The following CREBL2 variants were observed in gnomAD, a reference collection of about 807,000 sequenced individuals.
The protein encoded by CREBL2 is cAMP responsive element binding protein like 2.
In CREBL2, 4 loss-of-function variants were observed where a neutral mutation model predicts 19.5. That is an observed-to-expected ratio of 0.20 (90% CI 0.10 to 0.47). The LOEUF (loss-of-function observed/expected upper bound fraction) is 0.47, where lower values mean the gene tolerates loss of function less well. Among genes scored for constraint, CREBL2 ranks in the 20% least tolerant of loss-of-function variants. CREBL2 has a pLI of 0.98. For missense variants in CREBL2, 85 were observed against 145.1 expected, an observed-to-expected ratio of 0.59 and a Z score of 2.13; for synonymous variants, 42 against 46.6, an observed-to-expected ratio of 0.90 and a Z score of 0.40.
chr12:12,639,685 A>G (rs146363213), intron 3 of CREBL2, among the ~76,000 whole-genome samples: 15 of 152,162 alleles, frequency 9.9e-5, no homozygotes, highest in Admixed American at 2.6e-4. Context: ...CCTGCCCCCA[A>G]TATTTCAATG....
Position 12,611,956 on chromosome 12 carries a change from G to C in CREBL2, c.-217G>C, listed in dbSNP as rs1945269775. On this transcript the variant is annotated 5_prime_UTR_variant, in exon 1 of 4. Transcript: ENST00000228865. The stretch of plus-strand genomic sequence containing the variant: ...GAGGAGGAGGCGGCGGCGGCGAAGG[G>C]AGGCGTTTGGGGCCGCCTCCAGGGT... 1.7e-6 allele frequency: 1 copy of C among 589,130 alleles called. No homozygotes were observed. The highest frequency in any genetic ancestry group is 3.3e-5 in the Admixed American group (1 of 30,686). The allele number at this position is 589,130 out of a possible 1,614,324, so 36.5% of individuals were successfully genotyped here.
chr12:12,634,619 T>C (rs1270734825), intron 1 of CREBL2, among the ~76,000 whole-genome samples: 1 of 152,228 alleles, frequency 6.6e-6, no homozygotes, highest in Non-Finnish European at 1.5e-5. Flanking sequence ...ATTACACCTA[T>C]CAGAGAAGTC....
chr12:12,612,329 G>C, intron 1 of CREBL2, 142 bp downstream of exon 1: 1 of 1,464,916 alleles, frequency 6.8e-7, no homozygotes, highest in Non-Finnish European at 9.3e-7. Flanking sequence ...TCCACTGCCC[G>C]ATGGTACCCA....
chr12:12,617,419 G>A (rs1199693836), intron 1 of CREBL2, among the ~76,000 whole-genome samples: 1 of 152,052 alleles, frequency 6.6e-6, no homozygotes, highest in African/African-American at 2.4e-5. Flanking sequence ...AAAAAATCTT[G>A]GCTAATTTAT....
At chr12:12,640,981 C>T (rs555934748) in intron 3 of CREBL2, among the ~76,000 whole-genome samples, 3 of 151,990 alleles carry the variant, frequency 2.0e-5, no homozygotes, top group Non-Finnish European at 4.4e-5. Context: ...ATTTACCTGC[C>T]TCATGTTTTC....
intron 1 of CREBL2, among the ~76,000 whole-genome samples, chr12:12,613,366 G>C (rs1682603440): frequency 6.6e-6 from 1 of 152,166 alleles, no homozygotes; most frequent in Non-Finnish European, 1.5e-5. Context: ...AGCGTCTTCT[G>C]TTTCACAGTC....
At chr12:12,637,959 C>T (rs1207744740) in intron 3 of CREBL2, among the ~76,000 whole-genome samples, 1 of 151,376 alleles carries the variant, frequency 6.6e-6, no homozygotes, top group African/African-American at 2.4e-5. Context: ...GGAGGATCAC[C>T]TGAGCCCAGG....
intron 1 of CREBL2, among the ~76,000 whole-genome samples, chr12:12,613,479 T>TCC (rs1474734715): frequency 6.6e-6 from 1 of 152,224 alleles, no homozygotes; most frequent in African/African-American, 2.4e-5. Flanking sequence ...TCAAAAAATT[T>TCC]CCAACTTCTC....
intron 1 of CREBL2, among the ~76,000 whole-genome samples, chr12:12,630,376 T>G (rs1487169835): frequency 6.6e-6 from 1 of 152,162 alleles, no homozygotes; most frequent in African/African-American, 2.4e-5. Context: ...GTTATCTAGT[T>G]TTTTTGGCAT....
chr12:12,641,263 A>ATTATTATTAT (rs1566117110), intron 3 of CREBL2, among the ~76,000 whole-genome samples: 5 of 85,918 alleles, frequency 5.8e-5, no homozygotes, highest in African/African-American at 2.1e-4. Context: ...ATTTTTTTTT[A>ATTATTATTAT]TTTTTTTTTT....
chr12:12,631,593 G>C (rs945822621), intron 1 of CREBL2, among the ~76,000 whole-genome samples: 1 of 152,192 alleles, frequency 6.6e-6, no homozygotes, highest in Non-Finnish European at 1.5e-5. Context: ...TTATCATTGA[G>C]TTTGTGAAAA....
intron 1 of CREBL2, among the ~76,000 whole-genome samples, chr12:12,621,346 C>T (rs1945357991): frequency 6.6e-6 from 1 of 152,120 alleles, no homozygotes; most frequent in Admixed American, 6.5e-5. Context: ...TAGAGAAACC[C>T]CATCTCTACT....
chr12:12,616,383 G>C (rs574454077), intron 1 of CREBL2, among the ~76,000 whole-genome samples: 1 of 152,310 alleles, frequency 6.6e-6, no homozygotes, highest in East Asian at 1.9e-4. Context: ...CTTCCTAAAG[G>C]ATACACAGGT....
At chr12:12,618,097 C>T (rs1227465146) in intron 1 of CREBL2, among the ~76,000 whole-genome samples, 1 of 152,246 alleles carries the variant, frequency 6.6e-6, no homozygotes, top group East Asian at 1.9e-4. Context: ...ACAATCTGAT[C>T]TCTTTCTTTT....
At chr12:12,615,683 G>A (rs1481306906) in intron 1 of CREBL2, 1 of 151,778 alleles carries the variant, frequency 6.6e-6, no homozygotes, top group African/African-American at 2.4e-5. Context: ...TAGTAGAGCT[G>A]GGGCTTCACT....
intron 1 of CREBL2, among the ~76,000 whole-genome samples, chr12:12,628,094 A>T (rs1945416595): frequency 6.6e-6 from 1 of 152,064 alleles, no homozygotes; most frequent in Admixed American, 6.6e-5. Context: ...GTTGGCCAGG[A>T]TGGTCTTGAT....
intron 1 of CREBL2, among the ~76,000 whole-genome samples, chr12:12,621,290 G>A (rs1482258316): frequency 1.3e-5 from 2 of 152,154 alleles, no homozygotes; most frequent in African/African-American, 2.4e-5. Context: ...AAGCCAAGGC[G>A]GGCAGATCAC....
At chr12:12,625,337 G>C (rs1418107629) in intron 1 of CREBL2, among the ~76,000 whole-genome samples, 1 of 152,186 alleles carries the variant, frequency 6.6e-6, no homozygotes, top group Non-Finnish European at 1.5e-5. Context: ...CATCACTTTA[G>C]TGGGTGAGCA....
chr12:12,617,996 A>G (rs1464913436), intron 1 of CREBL2, among the ~76,000 whole-genome samples: 1 of 152,178 alleles, frequency 6.6e-6, no homozygotes, highest in Non-Finnish European at 1.5e-5. Flanking sequence ...GTAAGGTTAC[A>G]GATTAACAGC....
Sources: gnomAD v4.1 joint callset for allele counts (sites outside exome capture counted in the v4.1 genomes callset) on GRCh38, gnomAD v4.1.1 for gene constraint, MANE v1.5 for transcripts, NCBI Gene and HGNC (gene_info 2026-07-23, HGNC 2026-07-21) for gene names.